Variants in STXBP5 observed in about 807,000 individuals in gnomAD.
The protein encoded by STXBP5 is syntaxin-binding protein 5.
Under a neutral mutation model 152.4 loss-of-function variants are expected in STXBP5, and 50 were observed. That is an observed-to-expected ratio of 0.33 (90% CI 0.26 to 0.42). The LOEUF is 0.42. Among genes scored for constraint, STXBP5 ranks in the 10% least tolerant of loss-of-function variants. The pLI is 1.00. For synonymous variants in STXBP5, 492 were observed against 494.7 expected (o/e 0.99, Z 0.07); for missense variants, 1,167 against 1,388.6 (o/e 0.84, Z 2.54).
intron 2 of STXBP5, among the ~76,000 whole-genome samples, chr6:147,231,365 A>G (rs17076672): frequency 0.018 from 2,738 of 151,974 alleles, 72 homozygotes; most frequent in African/African-American, 0.061. Flanking sequence ...GACATGGACC[A>G]TGAGTCTAGC....
chr6:147,291,500 AAG>A (rs1269599898), intron 9 of STXBP5, among the ~76,000 whole-genome samples: 3 of 152,168 alleles, frequency 2.0e-5, no homozygotes, highest in Non-Finnish European at 4.4e-5. Flanking sequence ...TGAAGAAAAA[AAG>A]ATTTAAAATT....
chr6:147,237,815 A>G (rs2115191572), intron 3 of STXBP5, among the ~76,000 whole-genome samples: 1 of 152,196 alleles, frequency 6.6e-6, no homozygotes, highest in Admixed American at 6.5e-5. Flanking sequence ...TGAAAGGGGG[A>G]GACTTTACAA....
At chr6:147,270,778 A>G (rs1477251451) in intron 7 of STXBP5, among the ~76,000 whole-genome samples, 3 of 152,234 alleles carry the variant, frequency 2.0e-5, no homozygotes, top group Non-Finnish European at 2.9e-5. Flanking sequence ...CAAGCCAAAT[A>G]TAATAAAAAT....
At position 147,364,092 on chromosome 6, in the gene STXBP5, C is replaced by T. The variant is rs1562270534; in HGVS notation, c.3007C>T (p.Gln1003Ter). 6.2e-7 allele frequency: 1 copy of T among 1,613,828 alleles called. No homozygotes were observed. The highest frequency in any genetic ancestry group is 2.2e-5 in the East Asian group (1 of 44,864). The stretch of plus-strand genomic sequence containing the variant: ...AACGTTCTGCTTTACCAACAATGGA[C>T]AAGCATTATACCTTGTTTCACCTAC... ...ARTFCFTNNG[Q>*]ALYLVSPTEI... Residue 1003 changes from glutamine to a stop codon, truncating the protein, a stop_gained, in exon 25 of 28, where the codon CAA becomes TAA. Transcript: ENST00000321680. LOFTEE classifies it high-confidence loss of function.
chr6:147,234,323 A>G (rs1797836913), intron 2 of STXBP5, among the ~76,000 whole-genome samples: 4 of 151,934 alleles, frequency 2.6e-5, no homozygotes, highest in Admixed American at 2.6e-4. Context: ...TAAAATGCAT[A>G]TAACAGTGCC....
chr6:147,363,782 A>G, intron 24 of STXBP5, 78 bp downstream of exon 24: 1 of 1,512,998 alleles, frequency 6.6e-7, no homozygotes, highest in Non-Finnish European at 8.8e-7. Context: ...TTTAAAAGAA[A>G]TGCTTTTTGT....
At chr6:147,286,933 C>T (rs917491050) in intron 8 of STXBP5, among the ~76,000 whole-genome samples, 2 of 151,472 alleles carry the variant, frequency 1.3e-5, no homozygotes, top group African/African-American at 4.9e-5. Context: ...AACACATACA[C>T]ACAAATAAAC....
chr6:147,289,614 G>T (rs1009415188), intron 8 of STXBP5, among the ~76,000 whole-genome samples: 3 of 152,080 alleles, frequency 2.0e-5, no homozygotes, highest in African/African-American at 7.2e-5. Flanking sequence ...CAAGGAAGAT[G>T]ACGTAGAAGC....
rs761187676 is a variant in STXBP5, at chr6:147,311,513, C to A, written c.1131C>A (p.Asp377Glu). Residue 377 changes from aspartate to glutamate, a missense_variant, in exon 11 of 28, where the codon GAC (aspartate) becomes GAA (glutamate). By Grantham distance (45) the Asp-to-Glu change is conservative. Transcript: ENST00000321680. ...TAGAAAAGGATTTAGTACTTATAGA[C>A]CTTGCACAAAATGGGTAAGAAATAA... Reference protein sequence around the residue: ...VLLEKDLVLIDLAQNGYPIFE... With the variant: ...VLLEKDLVLIELAQNGYPIFE... 6.2e-7 allele frequency: 1 copy of A among 1,610,750 alleles called. No individual in the cohort carries two copies. Among genetic ancestry groups the A allele is most frequent in the South Asian group, 1.1e-5 (1 of 90,486 alleles).
At chr6:147,336,515 A>T (rs78581387) in intron 19 of STXBP5, among the ~76,000 whole-genome samples, 6,705 of 152,058 alleles carry the variant, frequency 0.044, 434 homozygotes, top group East Asian at 0.27. Flanking sequence ...AAAAAGAATA[A>T]CAGATGGGAT....
intron 2 of STXBP5, among the ~76,000 whole-genome samples, chr6:147,211,252 T>C (rs1444632868): frequency 6.8e-6 from 1 of 147,648 alleles, no homozygotes; most frequent in Non-Finnish European, 1.5e-5. Context: ...GAGGTTGCAG[T>C]GAGCCAAGAT....
intron 8 of STXBP5, among the ~76,000 whole-genome samples, chr6:147,283,573 T>C (rs1185062687): frequency 6.6e-6 from 1 of 152,140 alleles, no homozygotes; most frequent in African/African-American, 2.4e-5. Flanking sequence ...ACGAGGATTG[T>C]GCTGAGTCCA....
At chr6:147,226,034 C>T (rs776479236) in intron 2 of STXBP5, among the ~76,000 whole-genome samples, 7 of 152,000 alleles carry the variant, frequency 4.6e-5, no homozygotes, top group Non-Finnish European at 4.4e-5. Context: ...ATGACTGGAG[C>T]GGACATGGTG....
Position 147,352,375 on chromosome 6 carries a change from C to T in STXBP5, c.2255-948C>T, listed in dbSNP as rs114758797. ...ACCCAGCCAGGCACGGTGGGTCACT[C>T]CTGTAATCCCAGCACTTCGGGAGGC... On this transcript the variant is annotated intron_variant, in intron 21 of 27. Coordinates refer to ENST00000321680, the MANE Select transcript of STXBP5 (RefSeq NM_001127715.4). 7.2e-3 allele frequency among the ~76,000 whole-genome samples: 1,101 copies of T among 152,290 alleles called. 14 individuals are homozygous for T. The highest frequency in any genetic ancestry group is 0.025 in the African/African-American group (1,056 of 41,566).
At chr6:147,255,962 C>T (rs1779341081) in intron 4 of STXBP5, among the ~76,000 whole-genome samples, 1 of 152,036 alleles carries the variant, frequency 6.6e-6, no homozygotes, top group African/African-American at 2.4e-5. Context: ...CAGATTATTT[C>T]CTTGCTGTAT....
intron 2 of STXBP5, among the ~76,000 whole-genome samples, chr6:147,207,851 C>A (rs910610631): frequency 1.3e-5 from 2 of 152,134 alleles, no homozygotes; most frequent in African/African-American, 2.4e-5. Context: ...CTTGTAACAT[C>A]CAATCTGGCC....
chr6:147,320,119 A>G (rs988648921), intron 16 of STXBP5, among the ~76,000 whole-genome samples: 27 of 152,088 alleles, frequency 1.8e-4, no homozygotes, highest in African/African-American at 5.8e-4. Flanking sequence ...TACAGATGTT[A>G]GCCACTGTGT....
intron 26 of STXBP5, among the ~76,000 whole-genome samples, chr6:147,374,300 G>A (rs1378853526): frequency 1.3e-5 from 2 of 152,094 alleles, no homozygotes; most frequent in African/African-American, 4.8e-5. Flanking sequence ...TAAATAGTTT[G>A]TCCTTGAATG....
At chr6:147,253,259 C>A (rs1047285494) in intron 4 of STXBP5, among the ~76,000 whole-genome samples, 2 of 152,020 alleles carry the variant, frequency 1.3e-5, no homozygotes, top group Non-Finnish European at 2.9e-5. Context: ...AATTCAACAC[C>A]CCTTCATGCT....
Sources: allele counts gnomAD v4.1 joint callset (sites outside exome capture counted in the v4.1 genomes callset), GRCh38; gene constraint gnomAD v4.1.1; transcripts MANE v1.5; gene names NCBI Gene and HGNC (gene_info 2026-07-23, HGNC 2026-07-21).